The following COL20A1 variants were observed in gnomAD, a reference collection of about 807,000 sequenced individuals.
The protein encoded by COL20A1 is collagen alpha-1(XX) chain.
A neutral mutation model predicts 152.9 loss-of-function variants in COL20A1; 164 were observed. That is an observed-to-expected ratio of 1.07 (90% CI 0.94 to 1.22). The LOEUF is 1.22. Among genes scored for constraint, COL20A1 ranks in the 50% most tolerant of loss-of-function variants. The probability of loss-of-function intolerance (pLI) is 0.00; values close to 1 mark genes in which losing one functional copy is unlikely to be tolerated. For synonymous variants in COL20A1, 864 were observed against 756.0 expected (o/e 1.14, Z -2.34); for missense variants, 1,873 against 1,744.8 (o/e 1.07, Z -1.31).
Position 63,313,687 on chromosome 20 carries a change from C to T in COL20A1, c.2210-56C>T, listed in dbSNP as rs1024365482. On this transcript the variant is annotated intron_variant, in intron 17 of 35. Transcript: ENST00000358894. This position sits in a 1 kb window ranked among gnomAD's most constrained non-coding sequence, Gnocchi z 5.9. ...GCTGGGCAGCTGGTCCTCTGGCCACCGGGTGCCTCCTTTCTGGAGGGGCCT... is the reference window on the plus strand; with the variant it reads ...GCTGGGCAGCTGGTCCTCTGGCCACTGGGTGCCTCCTTTCTGGAGGGGCCT... The T allele has an allele frequency of 4.0e-5, 59 of 1,485,326 alleles. No homozygotes were observed. Among genetic ancestry groups the T allele is most frequent in the Non-Finnish European group, 3.4e-5 (38 of 1,119,012 alleles). The allele number at this position is 1,485,326 out of a possible 1,614,324, so 92.0% of individuals were successfully genotyped here.
Position 63,305,182 on chromosome 20 carries a change from A to AG in COL20A1, c.194-229dup, listed in dbSNP as rs368403680. Among the ~76,000 whole-genome samples the AG allele has an allele frequency of 8.6e-5, 13 of 151,962 alleles. No individual in the cohort carries two copies. Among genetic ancestry groups the AG allele is most frequent in the Middle Eastern group, 3.2e-3 (1 of 316 alleles). The stretch of plus-strand genomic sequence containing the variant: ...ACCTCACCATGCGGCGGATTCCTCT[A>AG]GGGGGGTTTAGTAAGTGACATCTTC... On this transcript the variant is annotated intron_variant, in intron 3 of 35. Coordinates refer to ENST00000358894, the MANE Select transcript of COL20A1 (RefSeq NM_020882.4). The surrounding 1 kb of genome is among the most constrained non-coding windows in gnomAD (Gnocchi z 4.9).
rs943128789 is a variant in COL20A1, at chr20:63,332,649, T to G, written c.*1933T>G. On this transcript the variant is annotated 3_prime_UTR_variant, in exon 36 of 36. Coordinates refer to ENST00000358894, the MANE Select transcript of COL20A1 (RefSeq NM_020882.4). ...TGGCCGGGGGGAACCAGGGTGGCTC[T>G]AATCCCCACCACCCCCTCAGCTGCC... 1.3e-5 allele frequency: 2 copies of G among 152,258 alleles called. No individual in the cohort carries two copies. The highest frequency in any genetic ancestry group is 2.9e-5 in the Non-Finnish European group (2 of 68,084). 9.4% of individuals were successfully genotyped at this position (152,258 alleles called of 1,614,324 possible). A position where few individuals can be genotyped will look rare whatever the true frequency, so the allele number is the denominator to read the frequency against.
Position 63,316,694 on chromosome 20 carries a change from G to A in COL20A1, c.2663+3G>A. 1.3e-6 allele frequency: 2 copies of A among 1,549,452 alleles called. No homozygotes were observed. Among genetic ancestry groups the A allele is most frequent in the Non-Finnish European group, 1.7e-6 (2 of 1,147,388 alleles). On this transcript the variant is annotated splice_donor_region_variant and intron_variant, in intron 21 of 35. Coordinates refer to ENST00000358894, the MANE Select transcript of COL20A1 (RefSeq NM_020882.4). Reference sequence around the variant, plus strand: ...GCCCAGCTGACAAGACGGGTCAGGTGTGAGGGCAAGGGCTGGGGTGGAGCT... The same window carrying A: ...GCCCAGCTGACAAGACGGGTCAGGTATGAGGGCAAGGGCTGGGGTGGAGCT...
At position 63,306,372 on chromosome 20, in the gene COL20A1, G is replaced by T. The variant is rs1046438160; in HGVS notation, c.496+333G>T. Among the ~76,000 whole-genome samples the T allele has an allele frequency of 2.6e-5, 4 of 152,010 alleles. No homozygotes were observed. Among genetic ancestry groups the T allele is most frequent in the Non-Finnish European group, 5.9e-5 (4 of 68,010 alleles). On this transcript the variant is annotated intron_variant, in intron 5 of 35. Transcript: ENST00000358894. This position sits in a 1 kb window ranked among gnomAD's most constrained non-coding sequence, Gnocchi z 6.9. ...CCACGAGGCCGGGAAGTTCTTCCTC[G>T]TGTCTGACCACACGGTCTCTGGCTT...
rs369912186 is a variant in COL20A1 at position 63,316,656 on chromosome 20, G to A, written c.2628G>A (p.Thr876=). ...PSAFGGTPTF[T]LFKDAQLTRR... ...CCTTCGGTGGGACCCCGACCTTCACGCTCTTCAAGGACGCCCAGCTGACAA... is the reference window on the plus strand; with the variant it reads ...CCTTCGGTGGGACCCCGACCTTCACACTCTTCAAGGACGCCCAGCTGACAA... The change falls in exon 21 of 36, where the codon ACG becomes ACA. Residue 876 remains threonine (T), a synonymous_variant. Transcript: ENST00000358894. 15 of 1,575,326 alleles carry A rather than the reference G, an allele frequency of 9.5e-6. No homozygotes were observed. Among genetic ancestry groups the A allele is most frequent in the African/African-American group, 8.1e-5 (6 of 74,100 alleles).
At chr20:63,310,297 CA>C in intron 10 of COL20A1, 83 bp from the exon 11 acceptor site, 1 of 1,480,128 alleles carries the variant, frequency 6.8e-7, no homozygotes, top group Non-Finnish European at 9.2e-7. Flanking sequence ...GCTGAGCTCA[CA>C]CTCCAGCTGA....
chr20:63,309,314 C>G lies in COL20A1; in HGVS notation c.941-19C>G. ...GTGACCCCAGTGCAGGCCAACCCCACCTCCCTCCTCACGAGCAGGTGTGAA... is the reference window on the plus strand; with the variant it reads ...GTGACCCCAGTGCAGGCCAACCCCAGCTCCCTCCTCACGAGCAGGTGTGAA... On this transcript the variant is annotated intron_variant, in intron 8 of 35. Coordinates refer to ENST00000358894, the MANE Select transcript of COL20A1 (RefSeq NM_020882.4). 1 of 1,445,154 alleles carries G rather than the reference C, an allele frequency of 6.9e-7. No homozygotes were observed. Among genetic ancestry groups the G allele is most frequent in the African/African-American group, 1.4e-5 (1 of 69,686 alleles). The allele number at this position is 1,445,154 out of a possible 1,614,324, so 89.5% of individuals were successfully genotyped here.
chr20:63,296,721 A>T (rs1364577079), intron 2 of COL20A1, among the ~76,000 whole-genome samples: 1 of 152,140 alleles, frequency 6.6e-6, no homozygotes, highest in African/African-American at 2.4e-5. Flanking sequence ...CCCTGCTCAC[A>T]GCTGGCCTTC....
rs533763137 is a variant in COL20A1, at chr20:63,319,956, C to T, written c.2917-83C>T. ...CCAGGTCCCAGGGATGGGTGTTACT[C>T]CCCAGCCCTGGCCTGGCCTTGGGGG... On this transcript the variant is annotated intron_variant, in intron 23 of 35. Coordinates refer to ENST00000358894, the MANE Select transcript of COL20A1 (RefSeq NM_020882.4). The surrounding 1 kb of genome is among the most constrained non-coding windows in gnomAD (Gnocchi z 4.4). 4.1e-5 allele frequency: 53 copies of T among 1,305,682 alleles called. No individual in the cohort carries two copies. The highest frequency in any genetic ancestry group is 4.1e-4 in the Middle Eastern group (2 of 4,884). The allele number at this position is 1,305,682 out of a possible 1,614,324, so 80.9% of individuals were successfully genotyped here. A position where few individuals can be genotyped will look rare whatever the true frequency, so the allele number is the denominator to read the frequency against.
At chr20:63,327,734 G>A in intron 31 of COL20A1, 1 of 595,012 alleles carries the variant, frequency 1.7e-6, no homozygotes, top group Non-Finnish European at 3.0e-6. Context: ...GCCCCACTCA[G>A]GACTCTGCTG....
In COL20A1 at chr20:63,313,284, G is replaced by T; in HGVS notation, c.2209+35G>T. 1 of 1,586,118 alleles carries T rather than the reference G, an allele frequency of 6.3e-7. No individual in the cohort carries two copies. The highest frequency in any genetic ancestry group is 8.6e-7 in the Non-Finnish European group (1 of 1,163,248). On this transcript the variant is annotated intron_variant, in intron 17 of 35. Transcript: ENST00000358894. This position sits in a 1 kb window ranked among gnomAD's most constrained non-coding sequence, Gnocchi z 5.9. Reference sequence around the variant, plus strand: ...CCTCCACTTCCCCTCTGCTGGGTGTGGGGCAGGGATGGCCCAGGGGATCCC... The same window carrying T: ...CCTCCACTTCCCCTCTGCTGGGTGTTGGGCAGGGATGGCCCAGGGGATCCC...
chr20:63,295,938 G>T (rs989182422), intron 2 of COL20A1, among the ~76,000 whole-genome samples: 3 of 152,274 alleles, frequency 2.0e-5, no homozygotes, highest in Non-Finnish European at 4.4e-5. Flanking sequence ...GGCTCCCACT[G>T]AGCGATGGTT....
At position 63,331,687 on chromosome 20, in the gene COL20A1, CAAAT is replaced by C. The variant is rs1322193062; in HGVS notation, c.*973_*976del. The stretch of plus-strand genomic sequence containing the variant: ...TGGGAACTTCTACTTCCTTTCCAAA[CAAAT>C]ATTCAGTAACTAGTCCACTGTTACC... On this transcript the variant is annotated 3_prime_UTR_variant, in exon 36 of 36. Transcript: ENST00000358894. 2.0e-5 allele frequency: 3 copies of C among 152,188 alleles called. No individual in the cohort carries two copies. The highest frequency in any genetic ancestry group is 4.4e-5 in the Non-Finnish European group (3 of 68,056). The allele number at this position is 152,188 out of a possible 1,614,324, so 9.4% of individuals were successfully genotyped here.
chr20:63,295,397 C>G lies in COL20A1; in HGVS notation c.82+208C>G, dbSNP rs1037869831. Among the ~76,000 whole-genome samples, 20 of 152,392 alleles carry G rather than the reference C, an allele frequency of 1.3e-4. 1 individual carries two copies. Among genetic ancestry groups the G allele is most frequent in the African/African-American group, 4.1e-4 (17 of 41,600 alleles). ...TCAGCCTCGCCTTGGGAGCACATCT[C>G]TGTGGTTTAGTTCTCTGTTATATTA... On this transcript the variant is annotated intron_variant, in intron 2 of 35. Coordinates refer to ENST00000358894, the MANE Select transcript of COL20A1 (RefSeq NM_020882.4).
intron 6 of COL20A1, 134 bp from the exon 7 acceptor site, chr20:63,307,837 C>T (rs1047555735): frequency 4.0e-6 from 5 of 1,246,710 alleles, no homozygotes; most frequent in Middle Eastern, 2.0e-4. Flanking sequence ...CAAGCGTCCT[C>T]TCCCTGGGGA....
Position 63,311,827 on chromosome 20 carries a change from C to A in COL20A1, c.1663+79C>A, listed in dbSNP as rs2068011172. 1 of 1,519,232 alleles carries A rather than the reference C, an allele frequency of 6.6e-7. No homozygotes were observed. Among genetic ancestry groups the A allele is most frequent in the African/African-American group, 1.4e-5 (1 of 72,924 alleles). The allele number at this position is 1,519,232 out of a possible 1,614,324, so 94.1% of individuals were successfully genotyped here. ...CTCAGCCTTCCATGGCATGGGAGACCTCAGGCCCCCTCGGTCCCAGCCACT... is the reference window on the plus strand; with the variant it reads ...CTCAGCCTTCCATGGCATGGGAGACATCAGGCCCCCTCGGTCCCAGCCACT... On this transcript the variant is annotated intron_variant, in intron 13 of 35. Transcript: ENST00000358894. The surrounding 1 kb of genome is among the most constrained non-coding windows in gnomAD (Gnocchi z 4.4).
At chr20:63,298,069 G>A (rs754548413) in intron 3 of COL20A1, 49 bp downstream of exon 3, 2 of 1,353,468 alleles carry the variant, frequency 1.5e-6, no homozygotes, top group Non-Finnish European at 2.1e-6. Context: ...CACGTGCCGA[G>A]GACAGTCAGT....
At chr20:63,327,820 A>G (rs2068273929) in intron 31 of COL20A1, 132 bp from the exon 32 acceptor site, 2 of 898,906 alleles carry the variant, frequency 2.2e-6, no homozygotes, top group Non-Finnish European at 3.5e-6. Flanking sequence ...GGAATTTGGG[A>G]TGGGGCTTTC....
chr20:63,319,072 C>T lies in COL20A1; in HGVS notation c.2678C>T (p.Ala893Val), dbSNP rs765732315. 7 of 1,609,642 alleles carry T rather than the reference C, an allele frequency of 4.3e-6. No homozygotes were observed. The highest frequency in any genetic ancestry group is 3.3e-5 in the Admixed American group (2 of 59,814). The stretch of plus-strand genomic sequence containing the variant: ...AACCCCCACAGTGACGTCTACCCAG[C>T]CCCCCTACCTCCAGAGCACACCATC... ...LTRRVSDVYP[A>V]PLPPEHTIVF... Residue 893 changes from alanine to valine, a missense_variant, in exon 22 of 36, where the codon GCC (alanine) becomes GTC (valine). By Grantham distance (64) the Ala-to-Val change is moderately conservative. Coordinates refer to ENST00000358894, the MANE Select transcript of COL20A1 (RefSeq NM_020882.4). This position sits in a 1 kb window ranked among gnomAD's most constrained non-coding sequence, Gnocchi z 4.4.
Sources: allele counts gnomAD v4.1 joint callset (sites outside exome capture counted in the v4.1 genomes callset), GRCh38; gene constraint gnomAD v4.1.1; non-coding constraint Gnocchi (gnomAD v3.1); transcripts MANE v1.5; gene names NCBI Gene and HGNC (gene_info 2026-07-23, HGNC 2026-07-21).